The following PLXNA4 variants were observed in gnomAD, a reference collection of about 807,000 sequenced individuals.
PLXNA4 encodes the protein plexin-A4.
In PLXNA4, 44 loss-of-function variants were observed where a neutral mutation model predicts 191.8. That is an observed-to-expected ratio of 0.23 (90% CI 0.18 to 0.29). The LOEUF is 0.29. PLXNA4 is among the 10% of genes least tolerant of loss of function. PLXNA4 has a pLI of 1.00. For synonymous variants in PLXNA4, 1,082 were observed against 1,009.5 expected, an observed-to-expected ratio of 1.07 and a Z score of -1.36; for missense variants, 1,800 against 2,488.8, an observed-to-expected ratio of 0.72 and a Z score of 5.89.
chr7:132,574,996 G>A (rs1469265377), intron 1 of PLXNA4, among the ~76,000 whole-genome samples: 2 of 152,168 alleles, frequency 1.3e-5, no homozygotes, highest in African/African-American at 2.4e-5. Context: ...TGGACAGAGG[G>A]TACAAGCTTA....
chr7:132,145,995 G>A (rs1304029170), intron 28 of PLXNA4, among the ~76,000 whole-genome samples: 1 of 137,174 alleles, frequency 7.3e-6, no homozygotes, highest in Non-Finnish European at 1.5e-5. Flanking sequence ...CAGGAGGATT[G>A]TTTGAACCTG....
At chr7:132,130,670 C>T (rs575070377) in intron 31 of PLXNA4, 96 bp from the exon 32 acceptor site, 211 of 1,568,394 alleles carry the variant, frequency 1.3e-4, no homozygotes, top group Admixed American at 4.1e-4. Flanking sequence ...GTCAGAAGCC[C>T]GGGAAGCCAC....
chr7:132,133,243 G>A lies in PLXNA4; in HGVS notation c.5439-44C>T, dbSNP rs374471149. On this transcript the variant is annotated intron_variant, in intron 30 of 31. Coordinates refer to ENST00000321063, the MANE Select transcript of PLXNA4 (RefSeq NM_020911.2). ...AGGGAGAAGCTGAAGTCGTGCATAC[G>A]GAGTAGAGGAGAGATGGATGCTCCC... is the stretch of plus-strand genomic sequence containing the variant. 225 of 1,599,188 alleles carry A rather than the reference G, an allele frequency of 1.4e-4. 3 individuals carry two copies. The African/African-American group carries it at 2.2e-3, about 16-fold the overall frequency.
intron 3 of PLXNA4, among the ~76,000 whole-genome samples, chr7:132,418,408 T>C (rs1794736334): frequency 6.6e-6 from 1 of 152,232 alleles, no homozygotes; most frequent in Non-Finnish European, 1.5e-5. Context: ...ACATAGTTCC[T>C]TGGCCTCCCA....
chr7:132,515,678 C>T (rs888738839), intron 1 of PLXNA4, among the ~76,000 whole-genome samples: 1 of 152,202 alleles, frequency 6.6e-6, no homozygotes, highest in Non-Finnish European at 1.5e-5. Flanking sequence ...CAACACTTCC[C>T]TATCTGCTGA....
chr7:132,444,840 C>T (rs1299363380), intron 3 of PLXNA4, among the ~76,000 whole-genome samples: 1 of 151,894 alleles, frequency 6.6e-6, no homozygotes, highest in Non-Finnish European at 1.5e-5. Context: ...AAACTGAAAA[C>T]CAGCACTGTC....
chr7:132,606,505 G>C (rs1460257572), intron 2 of PLXNA4, among the ~76,000 whole-genome samples: 1 of 152,222 alleles, frequency 6.6e-6, no homozygotes, highest in Non-Finnish European at 1.5e-5. Flanking sequence ...ACTCAGTTCA[G>C]CTGTATGCAG....
chr7:132,276,553 A>G (rs1368283981), intron 4 of PLXNA4, among the ~76,000 whole-genome samples: 3 of 151,920 alleles, frequency 2.0e-5, no homozygotes, highest in African/African-American at 7.3e-5. Flanking sequence ...CAGCTTATTC[A>G]TGAACTGCAT....
chr7:132,370,266 C>T (rs1804381395), intron 3 of PLXNA4, among the ~76,000 whole-genome samples: 1 of 152,160 alleles, frequency 6.6e-6, no homozygotes, highest in African/African-American at 2.4e-5. Context: ...TGCAGAGAGG[C>T]TGCCCACCAC....
rs561718482 is a variant in PLXNA4 at position 132,270,272 on chromosome 7, T to C, written c.1503+27819A>G. Among the ~76,000 whole-genome samples the C allele has an allele frequency of 4.9e-4, 74 of 152,310 alleles. No individual in the cohort carries two copies. In the Middle Eastern group the frequency reaches 0.01, roughly 21 times the overall value. Reference sequence around the variant, plus strand: ...CCTTAAGTTATATATACCGCGGGAATAGTTTCCAAATAAGAACCCAGAGAG... The same window carrying C: ...CCTTAAGTTATATATACCGCGGGAACAGTTTCCAAATAAGAACCCAGAGAG... On this transcript the variant is annotated intron_variant, in intron 4 of 31. Coordinates refer to ENST00000321063, the MANE Select transcript of PLXNA4 (RefSeq NM_020911.2).
chr7:132,292,556 T>G (rs1337901815), intron 4 of PLXNA4, among the ~76,000 whole-genome samples: 1 of 152,104 alleles, frequency 6.6e-6, no homozygotes, highest in Non-Finnish European at 1.5e-5. Context: ...AAAATCAGAG[T>G]GCTCTCAAAG....
chr7:132,496,482 A>C (rs911201507), intron 2 of PLXNA4, among the ~76,000 whole-genome samples: 3 of 151,920 alleles, frequency 2.0e-5, no homozygotes, highest in Admixed American at 6.6e-5. Flanking sequence ...GCTCACTGCA[A>C]CCTCCACCCG....
chr7:132,355,586 G>A (rs1803665732), intron 3 of PLXNA4, among the ~76,000 whole-genome samples: 1 of 152,146 alleles, frequency 6.6e-6, no homozygotes, highest in African/African-American at 2.4e-5. Context: ...CCATGTGCCT[G>A]GCACTGCCCT....
At chr7:132,400,571 T>C (rs577881440) in intron 3 of PLXNA4, among the ~76,000 whole-genome samples, 6 of 152,212 alleles carry the variant, frequency 3.9e-5, no homozygotes, top group Non-Finnish European at 8.8e-5. Flanking sequence ...TCCCAGGCCC[T>C]GTGTGAATGG....
intron 4 of PLXNA4, among the ~76,000 whole-genome samples, chr7:132,266,947 C>T (rs77360977): frequency 0.021 from 3,157 of 152,258 alleles, 102 homozygotes; most frequent in African/African-American, 0.071. Context: ...ATCCTTGAAT[C>T]CCATCTTATC....
intron 1 of PLXNA4, among the ~76,000 whole-genome samples, chr7:132,562,636 T>G (rs1801267095): frequency 8.8e-6 from 1 of 113,950 alleles, no homozygotes; most frequent in Non-Finnish European, 1.8e-5. Context: ...CTCCTTCTCC[T>G]CCTCTTTCTC....
intron 3 of PLXNA4, among the ~76,000 whole-genome samples, chr7:132,425,704 G>A (rs1411400324): frequency 6.6e-6 from 1 of 152,208 alleles, no homozygotes; most frequent in Non-Finnish European, 1.5e-5. Context: ...GAGAGGAGAA[G>A]GACAGGGGAA....
At chr7:132,558,073 T>TAA (rs963496708) in intron 1 of PLXNA4, among the ~76,000 whole-genome samples, 22 of 152,236 alleles carry the variant, frequency 1.4e-4, no homozygotes, top group African/African-American at 4.8e-4. Context: ...TACAAGCCAA[T>TAA]AAATCATATA....
intron 2 of PLXNA4, among the ~76,000 whole-genome samples, chr7:132,587,395 G>A (rs935412507): frequency 6.6e-6 from 1 of 152,184 alleles, no homozygotes; most frequent in East Asian, 1.9e-4. Flanking sequence ...TTCTAATAGA[G>A]TTCTCTAAAG....
Sources: allele counts gnomAD v4.1 joint callset (sites outside exome capture counted in the v4.1 genomes callset), GRCh38; gene constraint gnomAD v4.1.1; transcripts MANE v1.5; gene names NCBI Gene and HGNC (gene_info 2026-07-23, HGNC 2026-07-21).